The following SORCS2 variants were observed in gnomAD, a reference collection of about 807,000 sequenced individuals.
SORCS2 encodes the protein sortilin related VPS10 domain containing receptor 2.
SORCS2 carries 100 observed loss-of-function variants against 141.6 expected under a neutral mutation model. The ratio of observed to expected loss-of-function variants is 0.71; its 90% CI spans 0.60 to 0.83. The LOEUF is 0.83. SORCS2 is among the 40% of genes least tolerant of loss of function. SORCS2 has a pLI of 0.00. For synonymous variants in SORCS2, 789 were observed against 676.9 expected, an observed-to-expected ratio of 1.17 and a Z score of -2.57; for missense variants, 1,646 against 1,560.2, an observed-to-expected ratio of 1.05 and a Z score of -0.93.
At chr4:7,240,927 T>TTTA (rs912495773) in intron 1 of SORCS2, among the ~76,000 whole-genome samples, 83 of 152,126 alleles carry the variant, frequency 5.5e-4, no homozygotes, top group African/African-American at 1.3e-3. Flanking sequence ...CAACAAATAA[T>TTTA]TTATTATTAT....
At chr4:7,712,993 C>CA in intron 15 of SORCS2, 140 bp downstream of exon 15, 4 of 1,292,988 alleles carry the variant, frequency 3.1e-6, no homozygotes, top group Non-Finnish European at 4.2e-6. Flanking sequence ...TCCCCAGCGC[C>CA]TTGAGATGTC....
At chr4:7,442,516 A>C (rs1318903709) in intron 2 of SORCS2, among the ~76,000 whole-genome samples, 1 of 2,572 alleles carries the variant, frequency 3.9e-4, no homozygotes, top group Non-Finnish European at 6.8e-4. Flanking sequence ...ATCACCCTCC[A>C]CCCCCTCCCC....
At chr4:7,636,994 C>A (rs1456576314) in intron 3 of SORCS2, among the ~76,000 whole-genome samples, 2 of 152,050 alleles carry the variant, frequency 1.3e-5, no homozygotes, top group African/African-American at 4.8e-5. Flanking sequence ...CAGATGTGTC[C>A]CCTGTCTCTG....
At chr4:7,628,701 A>G (rs1719683751) in intron 3 of SORCS2, among the ~76,000 whole-genome samples, 1 of 151,884 alleles carries the variant, frequency 6.6e-6, no homozygotes, top group Non-Finnish European at 1.5e-5. Context: ...AGTGAGCACA[A>G]TAACACAAAT....
intron 1 of SORCS2, among the ~76,000 whole-genome samples, chr4:7,216,639 G>A (rs769273545): frequency 1.3e-5 from 2 of 152,060 alleles, no homozygotes; most frequent in South Asian, 2.1e-4. Context: ...TCCAATCTCT[G>A]CCTTCGCGTC....
At chr4:7,673,306 C>T (rs990824751) in intron 8 of SORCS2, among the ~76,000 whole-genome samples, 2 of 152,210 alleles carry the variant, frequency 1.3e-5, no homozygotes, top group East Asian at 1.9e-4. Flanking sequence ...TGGCAATTTC[C>T]CTTCTTAGGA....
At chr4:7,643,389 C>A (rs1272800421) in intron 4 of SORCS2, among the ~76,000 whole-genome samples, 1 of 152,162 alleles carries the variant, frequency 6.6e-6, no homozygotes, top group Non-Finnish European at 1.5e-5. Context: ...TGAGGCAGAA[C>A]CCTGGGCACT....
Position 7,433,908 on chromosome 4 carries a change from C to T in SORCS2, c.548+37553C>T, listed in dbSNP as rs1298484259. On this transcript the variant is annotated intron_variant, in intron 2 of 26. Coordinates refer to ENST00000507866, the MANE Select transcript of SORCS2 (RefSeq NM_020777.3). ...TGATAGAGGCAGGCATTACCGAGCA[C>T]ACGCGCTCCAGGGCATGGGTGATCA... 9.9e-6 allele frequency: 16 copies of T among 1,613,750 alleles called. No homozygotes were observed. The Admixed American group carries it at 1.7e-4, about 17-fold the overall frequency.
intron 22 of SORCS2, among the ~76,000 whole-genome samples, 184 bp downstream of exon 22, chr4:7,728,646 T>A (rs1727391067): frequency 6.6e-6 from 1 of 152,176 alleles, no homozygotes; most frequent in African/African-American, 2.4e-5. Flanking sequence ...CACACTGCCC[T>A]TATTTAGGAG....
chr4:7,417,122 T>C (rs1725753587), intron 2 of SORCS2, among the ~76,000 whole-genome samples: 2 of 152,156 alleles, frequency 1.3e-5, no homozygotes, highest in Non-Finnish European at 2.9e-5. Context: ...TTCTGTTATG[T>C]AGTAAACCTC....
chr4:7,620,965 T>G (rs776954621), intron 3 of SORCS2, among the ~76,000 whole-genome samples: 15 of 151,944 alleles, frequency 9.9e-5, no homozygotes, highest in Non-Finnish European at 2.1e-4. Flanking sequence ...CTGCGACCCC[T>G]GTGTTAGCCC....
chr4:7,474,889 G>T (rs1429197566), intron 2 of SORCS2, among the ~76,000 whole-genome samples: 1 of 152,148 alleles, frequency 6.6e-6, no homozygotes, highest in African/African-American at 2.4e-5. Flanking sequence ...TTCCCTTCTG[G>T]CTGTCCCACC....
At chr4:7,600,656 TACACACACACAC>T (rs57789330) in intron 3 of SORCS2, among the ~76,000 whole-genome samples, 1,968 of 140,984 alleles carry the variant, frequency 0.014, 39 homozygotes, top group African/African-American at 0.051. Context: ...CATATATATA[TACACACACACAC>T]ACACACACAC....
At chr4:7,447,847 C>T (rs746507166) in intron 2 of SORCS2, among the ~76,000 whole-genome samples, 22 of 152,170 alleles carry the variant, frequency 1.4e-4, no homozygotes, top group Admixed American at 6.5e-4. Context: ...TCTGCATGTG[C>T]GTTTTGGGTT....
At chr4:7,535,785 CAG>C (rs1712070369) in intron 3 of SORCS2, among the ~76,000 whole-genome samples, 1 of 151,700 alleles carries the variant, frequency 6.6e-6, no homozygotes, top group African/African-American at 2.4e-5. Context: ...GGCCATGGAA[CAG>C]AGGCCTCACC....
At chr4:7,360,777 G>A (rs1721537119) in intron 1 of SORCS2, among the ~76,000 whole-genome samples, 1 of 151,156 alleles carries the variant, frequency 6.6e-6, no homozygotes, top group Admixed American at 6.6e-5. Flanking sequence ...TAGAGACGGG[G>A]TTTCACCATG....
chr4:7,382,615 G>A (rs997662927), intron 1 of SORCS2, among the ~76,000 whole-genome samples: 1 of 152,176 alleles, frequency 6.6e-6, no homozygotes, highest in Non-Finnish European at 1.5e-5. Flanking sequence ...GTACTTTCCC[G>A]AAATTCTTAA....
At chr4:7,682,671 G>C (rs1030746388) in intron 9 of SORCS2, 72 bp from the exon 10 acceptor site, 15 of 1,471,304 alleles carry the variant, frequency 1.0e-5, no homozygotes, top group Non-Finnish European at 1.4e-5. Flanking sequence ...CAAGGGGCTG[G>C]AGCATGGTGG....
intron 1 of SORCS2, among the ~76,000 whole-genome samples, chr4:7,290,796 T>TTTCTTTCA (rs1553828753): frequency 2.6e-5 from 4 of 151,246 alleles, no homozygotes; most frequent in Non-Finnish European, 5.9e-5. Flanking sequence ...GGCTGCATTC[T>TTTCTTTCA]TTCATTCATT....
Sources: gnomAD v4.1 joint callset for allele counts (sites outside exome capture counted in the v4.1 genomes callset) on GRCh38, gnomAD v4.1.1 for gene constraint, MANE v1.5 for transcripts, NCBI Gene and HGNC (gene_info 2026-07-23, HGNC 2026-07-21) for gene names.